CYSTM1: variants seen among roughly 807,000 people sequenced by gnomAD.
CYSTM1 encodes cysteine rich transmembrane module containing 1.
A neutral mutation model predicts 13.1 loss-of-function variants in CYSTM1; 4 were observed. The observed-to-expected ratio is 0.31, with a 90% CI of 0.15 to 0.70. The LOEUF is 0.70. Among genes scored for constraint, CYSTM1 ranks in the 30% least tolerant of loss-of-function variants. CYSTM1 has a pLI of 0.72. For synonymous variants in CYSTM1, 36 were observed against 42.7 expected, an observed-to-expected ratio of 0.84 and a Z score of 0.62; for missense variants, 96 against 121.6, an observed-to-expected ratio of 0.79 and a Z score of 0.99.
chr5:140,204,105 G>T (rs1764261059), intron 2 of CYSTM1, among the ~76,000 whole-genome samples: 1 of 152,164 alleles, frequency 6.6e-6, no homozygotes, highest in Non-Finnish European at 1.5e-5. Context: ...GGAAACTCAT[G>T]CCTGTAGTCC....
chr5:140,227,703 G>A (rs766304209), intron 2 of CYSTM1, among the ~76,000 whole-genome samples: 7 of 152,094 alleles, frequency 4.6e-5, no homozygotes, highest in Non-Finnish European at 8.8e-5. Context: ...TAAAGCCCCC[G>A]GAACTATCTT....
intron 2 of CYSTM1, among the ~76,000 whole-genome samples, chr5:140,209,557 A>ATAGC (rs1222293149): frequency 6.6e-6 from 1 of 151,836 alleles, no homozygotes; most frequent in East Asian, 1.9e-4. Context: ...AGCCTCCTGA[A>ATAGC]TAGCTGGGAC....
intron 1 of CYSTM1, among the ~76,000 whole-genome samples, chr5:140,192,894 G>C (rs1235538125): frequency 2.0e-5 from 3 of 152,120 alleles, no homozygotes; most frequent in African/African-American, 7.2e-5. Flanking sequence ...GGAAGAATGA[G>C]CAGAGATCTA....
intron 2 of CYSTM1, 50 bp from the exon 3 acceptor site, chr5:140,243,255 C>G: frequency 6.5e-7 from 1 of 1,534,274 alleles, no homozygotes; most frequent in Non-Finnish European, 9.0e-7. Flanking sequence ...TTTGCAGGGC[C>G]TGGGGTTTGC....
chr5:140,218,528 G>C (rs541324283), intron 2 of CYSTM1, among the ~76,000 whole-genome samples: 1 of 152,322 alleles, frequency 6.6e-6, no homozygotes, highest in East Asian at 1.9e-4. Flanking sequence ...CTATTTTACA[G>C]GTAAGGAAAC....
intron 1 of CYSTM1, among the ~76,000 whole-genome samples, chr5:140,182,716 A>G (rs1392942524): frequency 6.6e-6 from 1 of 151,996 alleles, no homozygotes; most frequent in Non-Finnish European, 1.5e-5. Context: ...TGCTAATGAT[A>G]GAAACTGAAG....
At chr5:140,240,173 C>A (rs1764730566) in intron 2 of CYSTM1, among the ~76,000 whole-genome samples, 1 of 89,458 alleles carries the variant, frequency 1.1e-5, no homozygotes, top group African/African-American at 4.3e-5. Flanking sequence ...CATCCCAGCA[C>A]CCCCCCACTG....
At chr5:140,205,910 C>T (rs1764292399) in intron 2 of CYSTM1, among the ~76,000 whole-genome samples, 2 of 152,062 alleles carry the variant, frequency 1.3e-5, no homozygotes, top group Admixed American at 1.3e-4. Context: ...TATAATTGAT[C>T]CCCTCCTCCT....
intron 2 of CYSTM1, among the ~76,000 whole-genome samples, chr5:140,222,648 C>G (rs1048561523): frequency 6.6e-6 from 1 of 152,228 alleles, no homozygotes; most frequent in Non-Finnish European, 1.5e-5. Context: ...CCATGTGGCT[C>G]TTGTGAGTGA....
intron 2 of CYSTM1, among the ~76,000 whole-genome samples, chr5:140,218,843 C>T (rs1434835799): frequency 1.3e-5 from 2 of 152,176 alleles, no homozygotes; most frequent in African/African-American, 2.4e-5. Context: ...ATAAAATCAC[C>T]GCTTTGGCAG....
intron 2 of CYSTM1, among the ~76,000 whole-genome samples, chr5:140,218,176 T>C (rs1764453847): frequency 1.3e-5 from 2 of 152,176 alleles, no homozygotes; most frequent in Admixed American, 1.3e-4. Flanking sequence ...CTTTAGAGCC[T>C]AGCATCCACA....
chr5:140,192,759 A>G (rs1764108098), intron 1 of CYSTM1, among the ~76,000 whole-genome samples: 1 of 152,186 alleles, frequency 6.6e-6, no homozygotes, highest in Non-Finnish European at 1.5e-5. Context: ...CATCTGGGTA[A>G]AGTCCTGAAT....
chr5:140,209,715 A>G (rs1764340591), intron 2 of CYSTM1, among the ~76,000 whole-genome samples: 1 of 152,140 alleles, frequency 6.6e-6, no homozygotes. Context: ...GGCGTGAGCC[A>G]CCGTGCCCAG....
chr5:140,216,887 G>GAC (rs34809186), intron 2 of CYSTM1, among the ~76,000 whole-genome samples: 34,626 of 150,692 alleles, frequency 0.23, 3,944 homozygotes, highest in African/African-American at 0.25. Context: ...CTCCCTCTAT[G>GAC]ACACACACAC....
At chr5:140,178,879 GGCA>G (rs1187072566) in intron 1 of CYSTM1, among the ~76,000 whole-genome samples, 9 of 151,926 alleles carry the variant, frequency 5.9e-5, no homozygotes, top group Non-Finnish European at 1.2e-4. Flanking sequence ...TGGGATTACA[GGCA>G]TGAGCTACCA....
At chr5:140,215,969 T>C (rs1380848672) in intron 2 of CYSTM1, among the ~76,000 whole-genome samples, 3 of 152,134 alleles carry the variant, frequency 2.0e-5, no homozygotes, top group South Asian at 4.2e-4. Context: ...AGGAAAACCC[T>C]GTCCCTACAA....
chr5:140,191,775 T>G (rs1241001447), intron 1 of CYSTM1, among the ~76,000 whole-genome samples: 1 of 152,194 alleles, frequency 6.6e-6, no homozygotes, highest in Non-Finnish European at 1.5e-5. Context: ...ATGATAACTG[T>G]ATTGTACTTC....
At chr5:140,195,257 A>C (rs1764140340) in intron 2 of CYSTM1, among the ~76,000 whole-genome samples, 1 of 152,184 alleles carries the variant, frequency 6.6e-6, no homozygotes. Flanking sequence ...AACATTTAGA[A>C]ACTTTTAGAG....
chr5:140,218,963 T>C (rs1381899786), intron 2 of CYSTM1, among the ~76,000 whole-genome samples: 1 of 152,206 alleles, frequency 6.6e-6, no homozygotes, highest in Non-Finnish European at 1.5e-5. Context: ...TACTTAGTTT[T>C]CCACCTTACA....
Sources: gnomAD v4.1 joint callset for allele counts (sites outside exome capture counted in the v4.1 genomes callset) on GRCh38, gnomAD v4.1.1 for gene constraint, MANE v1.5 for transcripts, NCBI Gene and HGNC (gene_info 2026-07-23, HGNC 2026-07-21) for gene names.